Variants in ESYT3 observed in about 807,000 individuals in gnomAD.
ESYT3 encodes the protein extended synaptotagmin 3, also known as extended synaptotagmin-3.
Under a neutral mutation model 111.5 loss-of-function variants are expected in ESYT3, and 101 were observed. The ratio of observed to expected loss-of-function variants is 0.91; its 90% CI spans 0.77 to 1.07. ESYT3 has a LOEUF of 1.07. Ranked by LOEUF, ESYT3 falls within the 50% of genes least tolerant of loss-of-function variation. The pLI is 0.00. For missense variants in ESYT3, 1,097 were observed against 1,109.4 expected (o/e 0.99, Z 0.16); for synonymous variants, 416 against 446.8 (o/e 0.93, Z 0.87).
At chr3:138,464,539 T>C (rs2032826040) in intron 9 of ESYT3, 24 bp downstream of exon 9, 1 of 1,612,788 alleles carries the variant, frequency 6.2e-7, no homozygotes, top group Non-Finnish European at 8.5e-7. Flanking sequence ...TGGCTGCTTC[T>C]AGCCTTCACT....
chr3:138,454,382 T>TA (rs568566511), intron 2 of ESYT3, among the ~76,000 whole-genome samples: 12 of 149,250 alleles, frequency 8.0e-5, no homozygotes, highest in South Asian at 4.3e-4. Flanking sequence ...TAACTAAAAA[T>TA]AAAAAAAAAA....
chr3:138,458,367 G>A (rs893730937), intron 4 of ESYT3, among the ~76,000 whole-genome samples: 16 of 152,198 alleles, frequency 1.1e-4, no homozygotes, highest in Admixed American at 1.3e-4. Flanking sequence ...CCCCTGGGGC[G>A]CTGCCACAAG....
Position 138,434,921 on chromosome 3 carries a change from C to T in ESYT3, c.123C>T (p.Arg41=). 1 of 1,551,874 alleles carries T rather than the reference C, an allele frequency of 6.4e-7. No individual in the cohort carries two copies. The highest frequency in any genetic ancestry group is 8.7e-7 in the Non-Finnish European group (1 of 1,147,174). Residue 41 remains arginine (R), a synonymous_variant, in exon 1 of 23, where the codon CGC becomes CGT. Coordinates refer to ENST00000389567, the MANE Select transcript of ESYT3 (RefSeq NM_031913.5). ...LLPELCTFVV[R]VLFYLGPVYL... is the part of the protein sequence containing the mutation. The stretch of plus-strand genomic sequence containing the variant: ...CCGAGCTCTGTACCTTCGTGGTGCG[C>T]GTGCTGTTCTACCTGGGGCCTGTCT...
intron 17 of ESYT3, among the ~76,000 whole-genome samples, chr3:138,471,484 T>C (rs1403439674): frequency 5.3e-5 from 8 of 152,238 alleles, no homozygotes; most frequent in African/African-American, 1.9e-4. Flanking sequence ...TATTTTCTCA[T>C]AGAATTTTAT....
At chr3:138,474,476 C>G in intron 20 of ESYT3, 124 bp downstream of exon 20, 1 of 1,111,192 alleles carries the variant, frequency 9.0e-7, no homozygotes, top group Non-Finnish European at 1.2e-6. Flanking sequence ...ACAACATAGT[C>G]TATGACTTCA....
chr3:138,479,149 TATTTC>T lies in ESYT3; in HGVS notation c.*2297_*2301del, dbSNP rs981871189. The T allele has an allele frequency of 6.6e-6, 1 of 152,106 alleles. No individual in the cohort carries two copies. Among genetic ancestry groups the T allele is most frequent in the African/African-American group, 2.4e-5 (1 of 41,402 alleles). 9.4% of individuals were successfully genotyped at this position (152,106 alleles called of 1,614,324 possible). On this transcript the variant is annotated 3_prime_UTR_variant, in exon 23 of 23. Transcript: ENST00000389567. ...CAAACTGAAAAATAGCCATAGATAATATTTCAGCCAGAAGGAAAATGTACCAGTAA... is the reference window on the plus strand; with the variant it reads ...CAAACTGAAAAATAGCCATAGATAATAGCCAGAAGGAAAATGTACCAGTAA...
chr3:138,439,918 G>T (rs991815121), intron 1 of ESYT3, among the ~76,000 whole-genome samples: 1 of 152,194 alleles, frequency 6.6e-6, no homozygotes. Context: ...CAGTTAACTC[G>T]TGTGTGTCTG....
Position 138,434,856 on chromosome 3 carries a change from A to T in ESYT3, c.58A>T (p.Thr20Ser), listed in dbSNP as rs1175019717. 1 of 1,549,404 alleles carries T rather than the reference A, an allele frequency of 6.5e-7. No homozygotes were observed. The highest frequency in any genetic ancestry group is 8.7e-7 in the Non-Finnish European group (1 of 1,146,944). ...GAPSALGAQR[T>S]PGPELRLSSQ... is the part of the protein sequence containing the mutation. ...CCCCAGCGCCCTGGGAGCCCAGCGCACGCCGGGCCCCGAGCTGCGCCTGTC... is the reference window on the plus strand; with the variant it reads ...CCCCAGCGCCCTGGGAGCCCAGCGCTCGCCGGGCCCCGAGCTGCGCCTGTC... Residue 20 changes from threonine (T) to serine (S), a missense_variant, in exon 1 of 23, where the codon ACG becomes TCG. By Grantham distance (58) the Thr-to-Ser change is moderately conservative. Coordinates refer to ENST00000389567, the MANE Select transcript of ESYT3 (RefSeq NM_031913.5).
intron 2 of ESYT3, among the ~76,000 whole-genome samples, chr3:138,454,557 G>T (rs919728699): frequency 1.3e-5 from 2 of 152,068 alleles, no homozygotes; most frequent in Non-Finnish European, 2.9e-5. Context: ...AACTCCGTTT[G>T]AGAAAAAAGA....
Position 138,470,042 on chromosome 3 carries a change from T to C in ESYT3, c.1504-18T>C. 1.2e-6 allele frequency: 2 copies of C among 1,608,200 alleles called. No individual in the cohort carries two copies. Among genetic ancestry groups the C allele is most frequent in the Non-Finnish European group, 1.7e-6 (2 of 1,176,012 alleles). On this transcript the variant is annotated intron_variant, in intron 15 of 22. Transcript: ENST00000389567. ...CCCAACCTAACCCTTCAATGATCTC[T>C]CCCTCTTCTGTTCCCAGACCTGTCC...
At chr3:138,447,267 G>GTAC (rs1318515855) in intron 1 of ESYT3, among the ~76,000 whole-genome samples, 1 of 152,158 alleles carries the variant, frequency 6.6e-6, no homozygotes, top group African/African-American at 2.4e-5. Flanking sequence ...AATTAATCAT[G>GTAC]TACTAGGCCA....
In ESYT3 at chr3:138,472,476, A is replaced by G. The variant is rs780146769; in HGVS notation, c.1854A>G (p.Gln618=). The G allele has an allele frequency of 6.8e-6, 11 of 1,614,104 alleles. No homozygotes were observed. The highest frequency in any genetic ancestry group is 9.3e-6 in the Non-Finnish European group (11 of 1,180,054). Residue 618 remains glutamine, a synonymous_variant, in exon 18 of 23, where the codon CAA becomes CAG. Transcript: ENST00000389567. Reference sequence around the variant, plus strand: ...CTACCAACCAGGGTCCCAAAGCCCAACCTCAGGAAGAAGGCCCTACAGATT... The same window carrying G: ...CTACCAACCAGGGTCCCAAAGCCCAGCCTCAGGAAGAAGGCCCTACAGATT... ...KVATNQGPKA[Q]PQEEGPTDLP... is the part of the protein sequence containing the mutation.
intron 11 of ESYT3, 50 bp downstream of exon 11, chr3:138,467,659 CTG>C (rs1454122875): frequency 9.6e-6 from 15 of 1,561,752 alleles, no homozygotes; most frequent in Non-Finnish European, 1.3e-5. Context: ...TAGCCCTTTC[CTG>C]TGGACAGCTC....
At chr3:138,461,120 G>A (rs555397616) in intron 7 of ESYT3, among the ~76,000 whole-genome samples, 2 of 152,332 alleles carry the variant, frequency 1.3e-5, no homozygotes, top group South Asian at 2.1e-4. Flanking sequence ...AGTAAAAGGG[G>A]AGCCTGGTTC....
chr3:138,452,139 C>A (rs2031980412), intron 2 of ESYT3, 50 bp downstream of exon 2: 3 of 1,583,104 alleles, frequency 1.9e-6, no homozygotes, highest in African/African-American at 1.3e-5. Flanking sequence ...CCAGCCTCGT[C>A]CTCCCCGCGG....
intron 3 of ESYT3, 77 bp from the exon 4 acceptor site, chr3:138,457,491 C>T: frequency 7.7e-7 from 1 of 1,307,120 alleles, no homozygotes; most frequent in Non-Finnish European, 1.1e-6. Flanking sequence ...TGACAAAGCC[C>T]AGTGCCGGGG....
chr3:138,473,053 A>G, intron 18 of ESYT3, 194 bp downstream of exon 18: 1 of 1,438,192 alleles, frequency 7.0e-7, no homozygotes, highest in Non-Finnish European at 9.1e-7. Context: ...TTATGGCTCT[A>G]GCTGCGTACT....
intron 5 of ESYT3, among the ~76,000 whole-genome samples, 191 bp downstream of exon 5, chr3:138,459,444 A>G (rs1449618674): frequency 1.3e-5 from 2 of 152,162 alleles, no homozygotes; most frequent in East Asian, 1.9e-4. Context: ...TCACCAACCC[A>G]CTACTGTGCT....
chr3:138,456,647 C>G (rs1186843357), intron 3 of ESYT3, among the ~76,000 whole-genome samples: 2 of 152,122 alleles, frequency 1.3e-5, no homozygotes, highest in African/African-American at 4.8e-5. Flanking sequence ...GAGCACAAAC[C>G]CTGTGTGAAC....
Sources: gnomAD v4.1 joint callset for allele counts (sites outside exome capture counted in the v4.1 genomes callset) on GRCh38, gnomAD v4.1.1 for gene constraint, MANE v1.5 for transcripts, NCBI Gene and HGNC (gene_info 2026-07-23, HGNC 2026-07-21) for gene names.